SMAD9: variants seen among roughly 807,000 people sequenced by gnomAD.
The protein encoded by SMAD9 is MAD homolog 9.
A neutral mutation model predicts 46.1 loss-of-function variants in SMAD9; 36 were observed. The observed-to-expected ratio is 0.78, with a 90% CI of 0.60 to 1.03. The LOEUF is 1.03. Among genes scored for constraint, SMAD9 ranks in the 50% least tolerant of loss-of-function variants. The probability of loss-of-function intolerance (pLI) is 0.00; values close to 1 mark genes in which losing one functional copy is unlikely to be tolerated. For synonymous variants in SMAD9, 245 were observed against 237.1 expected, an observed-to-expected ratio of 1.03 and a Z score of -0.31; for missense variants, 572 against 599.8, an observed-to-expected ratio of 0.95 and a Z score of 0.48.
intron 6 of SMAD9, chr13:36,852,154 A>T: frequency 3.2e-6 from 3 of 925,352 alleles, no homozygotes; most frequent in Non-Finnish European, 3.9e-6. Flanking sequence ...TGTTTTTTAA[A>T]ATTGGAAACT....
intron 5 of SMAD9, among the ~76,000 whole-genome samples, chr13:36,861,402 C>A (rs990084933): frequency 1.8e-4 from 28 of 151,920 alleles, no homozygotes; most frequent in Non-Finnish European, 3.2e-4. Context: ...GCAACCTCCA[C>A]CTCCTGGGTT....
At chr13:36,877,641 A>G (rs1024034028) in intron 2 of SMAD9, among the ~76,000 whole-genome samples, 2 of 152,148 alleles carry the variant, frequency 1.3e-5, no homozygotes, top group African/African-American at 4.8e-5. Context: ...AGTAAGCGAA[A>G]AGAGTCAAAA....
At chr13:36,906,511 G>A (rs1158802696) in intron 1 of SMAD9, among the ~76,000 whole-genome samples, 2 of 151,934 alleles carry the variant, frequency 1.3e-5, no homozygotes, top group Admixed American at 1.3e-4. Context: ...AAAGAAAAAA[G>A]TTAACAGAAT....
intron 2 of SMAD9, among the ~76,000 whole-genome samples, chr13:36,873,779 C>T (rs1194630229): frequency 6.6e-6 from 1 of 152,094 alleles, no homozygotes; most frequent in African/African-American, 2.4e-5. Context: ...AGGAGAATCG[C>T]TTGAATCTGG....
At chr13:36,851,982 C>T (rs1031549975) in intron 6 of SMAD9, 4 of 968,110 alleles carry the variant, frequency 4.1e-6, no homozygotes, top group Admixed American at 6.2e-5. Context: ...AAAAAAAAAA[C>T]TGTATGATTC....
At chr13:36,912,428 C>G (rs1190996067) in intron 1 of SMAD9, among the ~76,000 whole-genome samples, 2 of 152,120 alleles carry the variant, frequency 1.3e-5, no homozygotes, top group African/African-American at 4.8e-5. Flanking sequence ...TTCCTCTATA[C>G]TACTATTGAG....
At chr13:36,848,843 G>GT (rs755328923) in intron 6 of SMAD9, 24 bp from the exon 7 acceptor site, 11 of 1,611,636 alleles carry the variant, frequency 6.8e-6, no homozygotes, top group Admixed American at 5.0e-5. Flanking sequence ...AAGGAGCTGA[G>GT]TGATGGTGCC....
At chr13:36,898,092 T>C (rs1417003436) in intron 1 of SMAD9, among the ~76,000 whole-genome samples, 1 of 151,900 alleles carries the variant, frequency 6.6e-6, no homozygotes, top group Non-Finnish European at 1.5e-5. Flanking sequence ...CCTCCTGACC[T>C]CGTGATCCGC....
In SMAD9 at chr13:36,853,484, G is replaced by C. The variant is rs2058092182; in HGVS notation, c.1195C>G (p.His399Asp). Residue 399 changes from histidine (H) to aspartate (D), a missense_variant, in exon 6 of 7, where the codon CAC (histidine) becomes GAC (aspartate). Transcript: ENST00000379826. ...TCATACACGACTTCAAAGCCGTGGT[G>C]AACTGACTGGGCCAGGAGCTGAGCG... is the stretch of plus-strand genomic sequence containing the variant. Reference protein sequence around the residue: ...LFAQLLAQSVHHGFEVVYELT... With the variant: ...LFAQLLAQSVDHGFEVVYELT... 8.1e-6 allele frequency: 13 copies of C among 1,614,098 alleles called. No individual in the cohort carries two copies. Among genetic ancestry groups the C allele is most frequent in the Non-Finnish European group, 1.0e-5 (12 of 1,180,006 alleles).
chr13:36,865,620 T>A lies in SMAD9; in HGVS notation c.920A>T (p.Asn307Ile). 1 of 1,614,158 alleles carries A rather than the reference T, an allele frequency of 6.2e-7. No homozygotes were observed. Among genetic ancestry groups the A allele is most frequent in the Admixed American group, 1.7e-5 (1 of 60,014 alleles). Residue 307 changes from asparagine (N) to isoleucine (I), a missense_variant, in exon 5 of 7, where the codon AAC becomes ATC. Asn to Ile is a moderately radical substitution (Grantham distance 149). Transcript: ENST00000379826. Reference sequence around the variant, plus strand: ...AAGTCCAAGACAGAATCTGTTCCTGTTATTTGAAGGGTCGGTGAACCCATC... The same window carrying A: ...AAGTCCAAGACAGAATCTGTTCCTGATATTTGAAGGGTCGGTGAACCCATC... ...LIDGFTDPSNNRNRFCLGLLS... is the reference protein window; with the variant it reads ...LIDGFTDPSNIRNRFCLGLLS...
At chr13:36,864,487 T>C (rs2058212942) in intron 5 of SMAD9, among the ~76,000 whole-genome samples, 1 of 152,206 alleles carries the variant, frequency 6.6e-6, no homozygotes, top group South Asian at 2.1e-4. Flanking sequence ...ATGGATGACA[T>C]ATCTGGATTC....
At chr13:36,892,633 A>G (rs570761876) in intron 1 of SMAD9, among the ~76,000 whole-genome samples, 2 of 152,320 alleles carry the variant, frequency 1.3e-5, no homozygotes, top group South Asian at 2.1e-4. Flanking sequence ...GGATCGGACT[A>G]CATCAGGAAC....
intron 1 of SMAD9, among the ~76,000 whole-genome samples, chr13:36,901,066 G>A (rs2058571823): frequency 6.6e-6 from 1 of 152,186 alleles, no homozygotes; most frequent in African/African-American, 2.4e-5. Context: ...GTTTGTGTGT[G>A]TATAAACAAT....
intron 1 of SMAD9, among the ~76,000 whole-genome samples, chr13:36,909,548 C>G (rs1490918843): frequency 6.6e-6 from 1 of 152,146 alleles, no homozygotes; most frequent in Non-Finnish European, 1.5e-5. Flanking sequence ...TATGCCACCC[C>G]ACAAATGTGT....
intron 1 of SMAD9, among the ~76,000 whole-genome samples, chr13:36,896,797 C>T (rs919767272): frequency 1.3e-5 from 2 of 151,760 alleles, no homozygotes; most frequent in Non-Finnish European, 2.9e-5. Context: ...TTAAATAATT[C>T]ATTTATAAAT....
intron 5 of SMAD9, among the ~76,000 whole-genome samples, chr13:36,856,674 A>C (rs1467961592): frequency 1.3e-5 from 2 of 152,194 alleles, no homozygotes; most frequent in African/African-American, 2.4e-5. Flanking sequence ...CCAGTGTCAG[A>C]TTCAAGATCA....
chr13:36,919,566 A>G (rs1275302893), intron 1 of SMAD9, among the ~76,000 whole-genome samples: 1 of 151,904 alleles, frequency 6.6e-6, no homozygotes, highest in African/African-American at 2.4e-5. Flanking sequence ...TGGCCCCCAA[A>G]GAGTCACAAT....
chr13:36,881,435 T>C (rs1303758515), intron 1 of SMAD9, among the ~76,000 whole-genome samples: 1 of 152,246 alleles, frequency 6.6e-6, no homozygotes, highest in Admixed American at 6.5e-5. Context: ...CTGAGTCCAA[T>C]TCTATAAACT....
At position 36,900,684 on chromosome 13, in the gene SMAD9, T is replaced by TACACACACAC. The variant is rs58756918; in HGVS notation, c.-187+19422_-187+19431dup. 4.6e-3 allele frequency among the ~76,000 whole-genome samples: 650 copies of TACACACACAC among 142,852 alleles called. 8 individuals carry two copies. Among genetic ancestry groups the TACACACACAC allele is most frequent in the Admixed American group, 0.016 (219 of 14,012 alleles). 93.7% of individuals were successfully genotyped at this position (142,852 alleles called of 152,430 possible). On this transcript the variant is annotated intron_variant, in intron 1 of 6. Transcript: ENST00000379826. The stretch of plus-strand genomic sequence containing the variant: ...TTACCACTAAAACTATCATTATGAC[T>TACACACACAC]ACACACACACACACACACACACACA...
Sources: gnomAD v4.1 joint callset for allele counts (sites outside exome capture counted in the v4.1 genomes callset) on GRCh38, gnomAD v4.1.1 for gene constraint, MANE v1.5 for transcripts, NCBI Gene and HGNC (gene_info 2026-07-23, HGNC 2026-07-21) for gene names.